Variants in CLYBL observed in about 807,000 individuals in gnomAD.
The protein encoded by CLYBL is citramalyl-CoA lyase, mitochondrial.
CLYBL carries 31 observed loss-of-function variants against 38.9 expected under a neutral mutation model. The observed-to-expected ratio is 0.80, with a 90% CI of 0.60 to 1.08. The LOEUF is 1.08. CLYBL is among the 50% of genes least tolerant of loss of function. The pLI, the probability that CLYBL is intolerant of heterozygous loss-of-function variation, is 0.00. For missense variants in CLYBL, 434 were observed against 411.6 expected (o/e 1.05, Z -0.47); for synonymous variants, 171 against 158.6 (o/e 1.08, Z -0.59).
intron 1 of CLYBL, among the ~76,000 whole-genome samples, chr13:99,763,838 C>T (rs1277749861): frequency 2.0e-5 from 3 of 152,102 alleles, no homozygotes; most frequent in Non-Finnish European, 4.4e-5. Flanking sequence ...CAGGCGTGAG[C>T]CACCGCACCC....
chr13:99,688,052 A>T (rs753397408), intron 1 of CLYBL, among the ~76,000 whole-genome samples: 2 of 152,250 alleles, frequency 1.3e-5, no homozygotes, highest in African/African-American at 2.4e-5. Context: ...CTTGTTAAAG[A>T]CAGTCAATCT....
intron 1 of CLYBL, among the ~76,000 whole-genome samples, chr13:99,736,634 T>C (rs1312965092): frequency 1.3e-5 from 2 of 152,194 alleles, no homozygotes; most frequent in East Asian, 3.8e-4. Flanking sequence ...ATGAAATCTA[T>C]GGTCCTGCCT....
intron 7 of CLYBL, among the ~76,000 whole-genome samples, chr13:99,890,760 G>A (rs1027936807): frequency 1.6e-4 from 25 of 152,080 alleles, no homozygotes; most frequent in Non-Finnish European, 2.8e-4. Flanking sequence ...GAGCCACTGC[G>A]CCTGGCCGTC....
chr13:99,743,350 T>G (rs1482780940), intron 1 of CLYBL, among the ~76,000 whole-genome samples: 1 of 152,180 alleles, frequency 6.6e-6, no homozygotes, highest in Non-Finnish European at 1.5e-5. Flanking sequence ...GAACACTTAG[T>G]CCCTTTTTTG....
At chr13:99,867,290 A>C (rs939888007) in intron 6 of CLYBL, among the ~76,000 whole-genome samples, 2 of 152,352 alleles carry the variant, frequency 1.3e-5, no homozygotes, top group South Asian at 2.1e-4. Context: ...TATTCCTGTT[A>C]TAACTGTTTT....
rs546998940 is a variant in CLYBL, at chr13:99,771,020, C to CT, written c.63-1773dup. Among the ~76,000 whole-genome samples, 915 of 119,918 alleles carry CT rather than the reference C, an allele frequency of 7.6e-3. 12 individuals carry two copies. The highest frequency in any genetic ancestry group is 0.014 in the Middle Eastern group (3 of 218). 78.7% of individuals were successfully genotyped at this position (119,918 alleles called of 152,430 possible). ...CAGGCGTAAGCCACCACGCGGGGCC[C>CT]TTTTTTTTTTTTTTTTTTTTTTTTT... On this transcript the variant is annotated intron_variant, in intron 1 of 8. Coordinates refer to ENST00000339105, the MANE Select transcript of CLYBL (RefSeq NM_206808.5).
At chr13:99,864,720 G>A (rs537095669) in intron 4 of CLYBL, 98 bp from the exon 5 acceptor site, 2 of 799,048 alleles carry the variant, frequency 2.5e-6, no homozygotes, top group South Asian at 1.6e-5. Context: ...GCCAAACTGT[G>A]TTAAGAGTCA....
At chr13:99,617,124 A>C (rs576337793) in intron 1 of CLYBL, among the ~76,000 whole-genome samples, 190 of 152,272 alleles carry the variant, frequency 1.2e-3, no homozygotes, top group African/African-American at 4.5e-3. Context: ...CTGTATTTGC[A>C]GGACACTTTT....
intron 1 of CLYBL, among the ~76,000 whole-genome samples, chr13:99,743,063 C>A (rs76091843): frequency 9.5e-6 from 1 of 105,478 alleles, no homozygotes; most frequent in East Asian, 2.6e-4. Context: ...TTTTTTTTTT[C>A]TTTGCATCTT....
intron 2 of CLYBL, among the ~76,000 whole-genome samples, chr13:99,816,994 G>A (rs2806295): frequency 0.31 from 46,523 of 151,954 alleles, 7,520 homozygotes; most frequent in African/African-American, 0.39. Flanking sequence ...ACAAAGATGC[G>A]AATGACCCCG....
intron 2 of CLYBL, among the ~76,000 whole-genome samples, chr13:99,808,917 G>A (rs2050284968): frequency 6.6e-6 from 1 of 152,056 alleles, no homozygotes; most frequent in South Asian, 2.1e-4. Context: ...CTTATTTGTG[G>A]GTTTCTCCCA....
intron 2 of CLYBL, among the ~76,000 whole-genome samples, chr13:99,818,293 C>G (rs1450836319): frequency 6.6e-6 from 1 of 152,148 alleles, no homozygotes; most frequent in Non-Finnish European, 1.5e-5. Context: ...AGGATGTTTA[C>G]TACTTCTAGC....
intron 3 of CLYBL, among the ~76,000 whole-genome samples, chr13:99,861,232 G>GGGAGGA (rs371949801): frequency 6.6e-6 from 1 of 151,924 alleles, no homozygotes. Context: ...AAGAAAGAGG[G>GGGAGGA]GGAGGAGGAG....
chr13:99,774,065 AC>A (rs1173118621), intron 2 of CLYBL, among the ~76,000 whole-genome samples: 2 of 130,202 alleles, frequency 1.5e-5, no homozygotes, highest in Admixed American at 7.6e-5. Flanking sequence ...CCCCATTTCT[AC>A]CAAAAAAAAA....
At chr13:99,833,366 A>G (rs2050863175) in intron 2 of CLYBL, among the ~76,000 whole-genome samples, 1 of 151,762 alleles carries the variant, frequency 6.6e-6, no homozygotes, top group Admixed American at 6.6e-5. Context: ...TATTCCACCA[A>G]TTCTTATTCT....
chr13:99,774,999 C>G (rs935827859), intron 2 of CLYBL, among the ~76,000 whole-genome samples: 1 of 152,126 alleles, frequency 6.6e-6, no homozygotes, highest in African/African-American at 2.4e-5. Context: ...ATGACAATAT[C>G]TTCTTTTGTC....
intron 2 of CLYBL, among the ~76,000 whole-genome samples, chr13:99,850,964 A>C (rs9517897): frequency 0.66 from 101,000 of 152,048 alleles, 33,811 homozygotes; most frequent in East Asian, 0.77. Context: ...AATATATAGA[A>C]TAGACAAATT....
chr13:99,794,835 A>G (rs2049991054), intron 2 of CLYBL, among the ~76,000 whole-genome samples: 1 of 152,058 alleles, frequency 6.6e-6, no homozygotes, highest in African/African-American at 2.4e-5. Context: ...CAGGTGATCC[A>G]TCTGTCTTGG....
At chr13:99,716,787 C>CTTTTTTTTTTTTTTTTT (rs1260332084) in intron 1 of CLYBL, among the ~76,000 whole-genome samples, 1 of 100,918 alleles carries the variant, frequency 9.9e-6, no homozygotes, top group African/African-American at 3.8e-5. Flanking sequence ...CTTTTCTTTT[C>CTTTTTTTTTTTTTTTTT]TTTTTTTTTT....
Sources: gnomAD v4.1 joint callset for allele counts (sites outside exome capture counted in the v4.1 genomes callset) on GRCh38, gnomAD v4.1.1 for gene constraint, MANE v1.5 for transcripts, NCBI Gene and HGNC (gene_info 2026-07-23, HGNC 2026-07-21) for gene names.